SULT1B1: variants seen among roughly 807,000 people sequenced by gnomAD.
SULT1B1 encodes sulfotransferase 1B1.
A neutral mutation model predicts 34.6 loss-of-function variants in SULT1B1; 28 were observed. The observed-to-expected ratio is 0.81, with a 90% CI of 0.60 to 1.11. The LOEUF is 1.11. Ranked by LOEUF, SULT1B1 falls within the 50% of genes least tolerant of loss-of-function variation. The pLI is 0.00. For synonymous variants in SULT1B1, 147 were observed against 110.2 expected, an observed-to-expected ratio of 1.33 and a Z score of -2.09; for missense variants, 374 against 352.2, an observed-to-expected ratio of 1.06 and a Z score of -0.50.
chr4:69,728,471 T>G (rs963090354), intron 7 of SULT1B1, among the ~76,000 whole-genome samples: 1 of 152,088 alleles, frequency 6.6e-6, no homozygotes, highest in East Asian at 1.9e-4. Flanking sequence ...CATTCATTCA[T>G]GTACATGCCC....
chr4:69,732,501 A>G (rs1201460152), intron 6 of SULT1B1, among the ~76,000 whole-genome samples: 1 of 152,112 alleles, frequency 6.6e-6, no homozygotes, highest in South Asian at 2.1e-4. Context: ...TTTATGTTGT[A>G]TGCACTGTAT....
chr4:69,729,956 T>C (rs1718003141), intron 7 of SULT1B1, among the ~76,000 whole-genome samples: 2 of 152,164 alleles, frequency 1.3e-5, no homozygotes, highest in South Asian at 4.1e-4. Context: ...GTAAATGCCA[T>C]ATTCTTCTAA....
chr4:69,746,422 T>G (rs1718747845), intron 4 of SULT1B1, among the ~76,000 whole-genome samples: 1 of 152,222 alleles, frequency 6.6e-6, no homozygotes, highest in Non-Finnish European at 1.5e-5. Context: ...TTTAAAATTT[T>G]TGTCTGCCTG....
At position 69,731,780 on chromosome 4, in the gene SULT1B1, C is replaced by T. The variant is rs143997348; in HGVS notation, c.598-1099G>A. ...ATATGGATATGCTTAAAAAGGTAAC[C>T]GGTTAGACTATAAATCAAAATGAGT... On this transcript the variant is annotated intron_variant, in intron 6 of 7. Transcript: ENST00000310613. 1.3e-3 allele frequency among the ~76,000 whole-genome samples: 191 copies of T among 152,034 alleles called. 1 individual carries two copies. Among genetic ancestry groups the T allele is most frequent in the Non-Finnish European group, 1.7e-3 (114 of 67,992 alleles).
chr4:69,750,983 T>C (rs963158388), intron 3 of SULT1B1, among the ~76,000 whole-genome samples: 2 of 152,234 alleles, frequency 1.3e-5, no homozygotes, highest in Non-Finnish European at 2.9e-5. Context: ...AAATAGGTTG[T>C]TTTTAGCAAG....
Position 69,738,107 on chromosome 4 carries a change from T to C in SULT1B1, c.376-3843A>G, listed in dbSNP as rs569625227. ...TACCTTCCATGCATAAGTGAGAATA[T>C]ATGGTATTTGATTTTCTGCTCCTAA... On this transcript the variant is annotated intron_variant, in intron 4 of 7. Coordinates refer to ENST00000310613, the MANE Select transcript of SULT1B1 (RefSeq NM_014465.4). 1.2e-4 allele frequency among the ~76,000 whole-genome samples: 18 copies of C among 152,304 alleles called. No individual in the cohort carries two copies. In the South Asian group the frequency reaches 3.7e-3, roughly 32 times the overall value.
intron 4 of SULT1B1, among the ~76,000 whole-genome samples, chr4:69,739,321 C>A (rs950785224): frequency 3.3e-5 from 5 of 152,236 alleles, no homozygotes; most frequent in Non-Finnish European, 5.9e-5. Context: ...GCCTGGAGAT[C>A]CAGGTGTTTC....
At position 69,730,651 on chromosome 4, in the gene SULT1B1, T is replaced by G. The variant is rs756634135; in HGVS notation, c.628A>C (p.Arg210=). Residue 210 remains arginine, a synonymous_variant, in exon 7 of 8, where the codon AGA becomes CGA. Coordinates refer to ENST00000310613, the MANE Select transcript of SULT1B1 (RefSeq NM_014465.4). ...TCATTCAGGTTCTTCTCTAGAAATC[T>G]AATGATCTTCTTGATTTCCTCCTTT... The part of the protein sequence containing the change: ...NPKEEIKKII[R]FLEKNLNDEI... 6.2e-7 allele frequency: 1 copy of G among 1,612,702 alleles called. No homozygotes were observed. Among genetic ancestry groups the G allele is most frequent in the African/African-American group, 1.3e-5 (1 of 75,026 alleles).
intron 4 of SULT1B1, among the ~76,000 whole-genome samples, chr4:69,738,601 T>C (rs1471833890): frequency 6.6e-6 from 1 of 152,152 alleles, no homozygotes; most frequent in Non-Finnish European, 1.5e-5. Flanking sequence ...ATTATTACAA[T>C]TGAAGATGAG....
intron 1 of SULT1B1, among the ~76,000 whole-genome samples, chr4:69,757,664 G>A (rs115002695): frequency 0.018 from 2,663 of 152,102 alleles, 77 homozygotes; most frequent in African/African-American, 0.061. Context: ...TGTGTATTAC[G>A]TAACATATTT....
At chr4:69,732,853 A>T (rs1718134955) in intron 6 of SULT1B1, among the ~76,000 whole-genome samples, 1 of 152,006 alleles carries the variant, frequency 6.6e-6, no homozygotes, top group Non-Finnish European at 1.5e-5. Context: ...AAATATAGGA[A>T]ACAAAGACAG....
At chr4:69,735,282 G>T (rs911034598) in intron 4 of SULT1B1, among the ~76,000 whole-genome samples, 2 of 152,130 alleles carry the variant, frequency 1.3e-5, no homozygotes, top group Non-Finnish European at 2.9e-5. Context: ...CAGCAAAAAG[G>T]ACTGTGACCT....
chr4:69,727,397 G>T (rs1717880876), intron 7 of SULT1B1, among the ~76,000 whole-genome samples, 197 bp from the exon 8 acceptor site: 1 of 151,910 alleles, frequency 6.6e-6, no homozygotes, highest in Non-Finnish European at 1.5e-5. Context: ...CATCTGGAAA[G>T]GTGGTTTATA....
chr4:69,743,141 T>A (rs1718615964), intron 4 of SULT1B1, among the ~76,000 whole-genome samples: 1 of 152,134 alleles, frequency 6.6e-6, no homozygotes, highest in Non-Finnish European at 1.5e-5. Flanking sequence ...TTCAGGCCTG[T>A]TTGTGTTACA....
chr4:69,729,512 G>A (rs1286379354), intron 7 of SULT1B1, among the ~76,000 whole-genome samples: 1 of 151,886 alleles, frequency 6.6e-6, no homozygotes, highest in African/African-American at 2.4e-5. Context: ...TACAATTTTT[G>A]ATGAAAAATA....
chr4:69,756,635 C>G (rs1042445045), intron 1 of SULT1B1, among the ~76,000 whole-genome samples: 5 of 152,106 alleles, frequency 3.3e-5, no homozygotes, highest in African/African-American at 9.7e-5. Context: ...CAGACTCAAA[C>G]TGAAGCATTG....
intron 5 of SULT1B1, 83 bp downstream of exon 5, chr4:69,734,055 T>A: frequency 8.6e-7 from 1 of 1,156,176 alleles, no homozygotes; most frequent in Non-Finnish European, 1.2e-6. Flanking sequence ...GAAAAATAAG[T>A]ATTTTGAAAG....
Position 69,727,101 on chromosome 4 carries a change from C to A in SULT1B1, c.878G>T (p.Arg293Leu), listed in dbSNP as rs772474546. The A allele has an allele frequency of 1.2e-6, 2 of 1,602,798 alleles. No homozygotes were observed. The highest frequency in any genetic ancestry group is 1.7e-5 in the Admixed American group (1 of 58,116). Residue 293 changes from arginine (R) to leucine (L), a missense_variant, in exon 8 of 8, where the codon CGC becomes CTC. Coordinates refer to ENST00000310613, the MANE Select transcript of SULT1B1 (RefSeq NM_014465.4). The stretch of plus-strand genomic sequence containing the variant: ...GATTTAGACACTTTAAATCTCTGTG[C>A]GGAATTGAAGTGCAGTTTTGGACAT... Reference protein sequence around the residue: ...TEMSKTALQFRTEI With the variant: ...TEMSKTALQFLTEI
At chr4:69,739,968 A>G (rs1718478248) in intron 4 of SULT1B1, among the ~76,000 whole-genome samples, 1 of 152,150 alleles carries the variant, frequency 6.6e-6, no homozygotes, top group Non-Finnish European at 1.5e-5. Flanking sequence ...TGTACATATC[A>G]CTATCAGCAG....
Sources: gnomAD v4.1 joint callset for allele counts (sites outside exome capture counted in the v4.1 genomes callset) on GRCh38, gnomAD v4.1.1 for gene constraint, MANE v1.5 for transcripts, NCBI Gene and HGNC (gene_info 2026-07-23, HGNC 2026-07-21) for gene names.